ATAD2B: variants seen among roughly 807,000 people sequenced by gnomAD.
The protein encoded by ATAD2B is ATPase family AAA domain containing 2B, also known as ATPase family AAA domain-containing protein 2B.
ATAD2B carries 40 observed loss-of-function variants against 167.6 expected under a neutral mutation model. That is an observed-to-expected ratio of 0.24 (90% CI 0.19 to 0.31). ATAD2B has a LOEUF of 0.31. Ranked by LOEUF, ATAD2B falls within the 10% of genes least tolerant of loss-of-function variation. The pLI is 1.00. For missense variants in ATAD2B, 1,242 were observed against 1,757.2 expected (o/e 0.71, Z 5.24); for synonymous variants, 579 against 596.5 (o/e 0.97, Z 0.43).
chr2:23,926,824 C>T lies in ATAD2B; in HGVS notation c.-54G>A. ...CGCGCCCGGGAGAGCCGAGCAAGGC[C>T]GGCCCGCCGGCCGGTCAGTCAGGGC... is the stretch of plus-strand genomic sequence containing the variant. On this transcript the variant is annotated 5_prime_UTR_variant, in exon 1 of 28. Coordinates refer to ENST00000238789, the MANE Select transcript of ATAD2B (RefSeq NM_017552.4). The T allele has an allele frequency of 6.9e-7, 1 of 1,451,900 alleles. No individual in the cohort carries two copies. The allele number at this position is 1,451,900 out of a possible 1,614,324, so 89.9% of individuals were successfully genotyped here.
At chr2:23,725,576 T>C in the ATAD2B span, among the ~76,000 whole-genome samples, 23 of 152,268 alleles carry the variant, frequency 1.5e-4, no homozygotes, top group Admixed American at 1.3e-3. Context: ...TTTAGGTACA[T>C]TGTGAAAAGT....
chr2:23,744,051 CAAT>C (rs545136764), downstream of ATAD2B, among the ~76,000 whole-genome samples: 4 of 152,030 alleles, frequency 2.6e-5, no homozygotes, highest in Non-Finnish European at 5.9e-5. Flanking sequence ...TACATAGACA[CAAT>C]AATGCAAATA....
the ATAD2B span, among the ~76,000 whole-genome samples, chr2:23,731,674 T>C: frequency 6.6e-6 from 1 of 152,184 alleles, no homozygotes; most frequent in Non-Finnish European, 1.5e-5. Flanking sequence ...ATATCAAATA[T>C]TATTTCAATG....
chr2:23,840,652 G>T (rs1690735389), intron 13 of ATAD2B, among the ~76,000 whole-genome samples: 1 of 152,024 alleles, frequency 6.6e-6, no homozygotes, highest in Admixed American at 6.6e-5. Context: ...TCATAAATAT[G>T]GTATATGTTT....
chr2:23,885,749 C>T lies in ATAD2B; in HGVS notation c.653G>A (p.Arg218Gln), dbSNP rs1698576211. Reference sequence around the variant, plus strand: ...CACAAATTCTGTATCTGTCCACATTCGAAGTCGTTCTACTTCTCCTGATCG... The same window carrying T: ...CACAAATTCTGTATCTGTCCACATTTGAAGTCGTTCTACTTCTCCTGATCG... ...NRRSGEVERLRMWTDTEFENM... is the reference protein window; with the variant it reads ...NRRSGEVERLQMWTDTEFENM... Residue 218 changes from arginine to glutamine, a missense_variant, in exon 5 of 28, where the codon CGA becomes CAA. Transcript: ENST00000238789. The T allele has an allele frequency of 1.9e-6, 3 of 1,593,708 alleles. No homozygotes were observed. Among genetic ancestry groups the T allele is most frequent in the Non-Finnish European group, 2.6e-6 (3 of 1,167,498 alleles).
At chr2:23,885,859 G>A in intron 4 of ATAD2B, 30 bp from the exon 5 acceptor site, 1 of 1,326,254 alleles carries the variant, frequency 7.5e-7, no homozygotes, top group Non-Finnish European at 1.1e-6. Context: ...TCAGGATTTA[G>A]ACAATGGTGG....
chr2:23,922,701 C>CA (rs11386515), intron 1 of ATAD2B, among the ~76,000 whole-genome samples: 74,686 of 126,448 alleles, frequency 0.59, 22,215 homozygotes, highest in East Asian at 0.84. Flanking sequence ...GACTCTGTCT[C>CA]AAAAAAAAAA....
At chr2:23,910,887 G>A (rs192463794) in intron 1 of ATAD2B, among the ~76,000 whole-genome samples, 3 of 151,038 alleles carry the variant, frequency 2.0e-5, no homozygotes, top group African/African-American at 7.3e-5. Context: ...TATAGGGTAA[G>A]AAGAGAGGAA....
intron 19 of ATAD2B, among the ~76,000 whole-genome samples, chr2:23,791,798 T>A (rs918167117): frequency 6.6e-6 from 1 of 152,212 alleles, no homozygotes; most frequent in African/African-American, 2.4e-5. Context: ...ACACTGAGGA[T>A]GTTTCCACCT....
chr2:23,734,966 C>A, the ATAD2B span, among the ~76,000 whole-genome samples: 1 of 152,186 alleles, frequency 6.6e-6, no homozygotes, highest in African/African-American at 2.4e-5. Flanking sequence ...GTCTATCATA[C>A]TTGGCAAATG....
rs1704902123 is a variant in ATAD2B at position 23,926,665 on chromosome 2, T to G, written c.106A>C (p.Ser36Arg). The G allele has an allele frequency of 6.4e-7, 1 of 1,558,868 alleles. No homozygotes were observed. The highest frequency in any genetic ancestry group is 8.7e-7 in the Non-Finnish European group (1 of 1,152,194). Residue 36 changes from serine to arginine, a missense_variant, in exon 1 of 28, where the codon AGC becomes CGC. Ser to Arg is a moderately radical substitution (Grantham distance 110). Around this residue, in one of 9 missense-constraint regions of ATAD2B, gnomAD observed 199 missense variants for 194.9 expected, o/e 1.02. Coordinates refer to ENST00000238789, the MANE Select transcript of ATAD2B (RefSeq NM_017552.4). ...CGGGTCCGAGAGGAGATGAAATGGC[T>G]GCTGCCTCCGGTCGCCCCAGGCTCT... is the stretch of plus-strand genomic sequence containing the variant. ...GAEPGATGGS[S>R]HFISSRTRSS...
chr2:23,692,606 G>A, the ATAD2B span, among the ~76,000 whole-genome samples: 143 of 152,284 alleles, frequency 9.4e-4, no homozygotes, highest in African/African-American at 3.1e-3. Flanking sequence ...AGTGAGGCTC[G>A]CGCACAGATG....
intron 24 of ATAD2B, among the ~76,000 whole-genome samples, chr2:23,760,697 TATACAC>T (rs1451021643): frequency 5.5e-4 from 65 of 118,074 alleles, no homozygotes; most frequent in African/African-American, 9.2e-4. Flanking sequence ...AATTTATATA[TATACAC>T]ACACACACAC....
rs763112020 is a variant in ATAD2B at position 23,757,883 on chromosome 2, T to G, written c.3613A>C (p.Asn1205His). The G allele has an allele frequency of 3.8e-6, 6 of 1,597,688 alleles. No homozygotes were observed. In the East Asian group the frequency reaches 1.3e-4, roughly 36 times the overall value. The stretch of plus-strand genomic sequence containing the variant: ...ATGATGTCACAGGATGATTCATCAT[T>G]GGTCATAGATAAGTCTCCAGTCTCT... The part of the protein sequence containing the change: ...GEETGDLSMT[N>H]DESSCDIMDL... The change falls in exon 25 of 28, where the codon AAT (asparagine) becomes CAT (histidine). Residue 1205 changes from asparagine (N) to histidine (H), a missense_variant. Physicochemically the swap from Asn to His is moderately conservative, Grantham distance 68. Around this residue, in one of 9 missense-constraint regions of ATAD2B, gnomAD observed 282 missense variants for 346.8 expected, o/e 0.81. Transcript: ENST00000238789.
At chr2:23,697,776 G>C in the ATAD2B span, 81,610 of 152,046 alleles carry the variant, frequency 0.54, 22,646 homozygotes, top group East Asian at 0.79. Context: ...AGTTGCTGGA[G>C]CTGGGTTGGC....
the ATAD2B span, chr2:23,693,207 G>A: frequency 6.7e-7 from 1 of 1,496,112 alleles, no homozygotes; most frequent in Non-Finnish European, 9.0e-7. Context: ...TGACAGCAAT[G>A]GGAACAGGTG....
intron 22 of ATAD2B, among the ~76,000 whole-genome samples, chr2:23,771,590 T>C (rs1678335544): frequency 6.6e-6 from 1 of 152,226 alleles, no homozygotes; most frequent in South Asian, 2.1e-4. Context: ...TGTATGTGAT[T>C]ATTGATATGG....
chr2:23,855,231 G>C (rs1187548453), intron 13 of ATAD2B, among the ~76,000 whole-genome samples: 2 of 148,448 alleles, frequency 1.3e-5, no homozygotes, highest in Non-Finnish European at 3.0e-5. Context: ...AACACAACAA[G>C]ACACACAATC....
chr2:23,801,209 T>A (rs1314528022), intron 18 of ATAD2B, among the ~76,000 whole-genome samples: 1 of 151,950 alleles, frequency 6.6e-6, no homozygotes, highest in East Asian at 1.9e-4. Flanking sequence ...CATTTAAAAA[T>A]TCTTATAGTA....
Sources: gnomAD v4.1 joint callset for allele counts (sites outside exome capture counted in the v4.1 genomes callset) on GRCh38, gnomAD v4.1.1 for gene constraint, gnomAD v4.1.1 regional missense constraint, MANE v1.5 for transcripts, NCBI Gene and HGNC (gene_info 2026-07-23, HGNC 2026-07-21) for gene names.